Variants in CCNP observed in about 807,000 individuals in gnomAD.
CCNP encodes the protein cyclin P.
Under a neutral mutation model 19.6 loss-of-function variants are expected in CCNP, and 18 were observed. The ratio of observed to expected loss-of-function variants is 0.92; its 90% confidence interval spans 0.64 to 1.36. CCNP has a LOEUF of 1.36. CCNP is among the 40% of genes most tolerant of loss of function. The pLI is 0.00. For missense variants in CCNP, 440 were observed against 424.4 expected, an observed-to-expected ratio of 1.04 and a Z score of -0.32; for synonymous variants, 228 against 194.9, an observed-to-expected ratio of 1.17 and a Z score of -1.41.
rs750913915 is a variant in CCNP at position 40,224,708 on chromosome 19, T to C, written c.357+14A>G. On this transcript the variant is annotated intron_variant, in intron 2 of 4. Transcript: ENST00000430325. Reference sequence around the variant, plus strand: ...GACGCAAACTCAGCCCCCCACACCCTTCCAGATACCTACGTGCACCTGGAC... The same window carrying C: ...GACGCAAACTCAGCCCCCCACACCCCTCCAGATACCTACGTGCACCTGGAC... The C allele has an allele frequency of 2.5e-6, 4 of 1,598,652 alleles. No homozygotes were observed. In the South Asian group the frequency reaches 3.3e-5, roughly 13 times the overall value.
Position 40,223,033 on chromosome 19 carries a change from T to C in CCNP, c.*19A>G. ...CTCTCCCACACCCAGAAAAATCAAG[T>C]CTAGGTGCCACCTCCTCCTCAATAA... is the stretch of plus-strand genomic sequence containing the variant. On this transcript the variant is annotated 3_prime_UTR_variant, in exon 5 of 5. Coordinates refer to ENST00000430325, the MANE Select transcript of CCNP (RefSeq NM_024877.4). 1 of 1,429,970 alleles carries C rather than the reference T, an allele frequency of 7.0e-7. No individual in the cohort carries two copies. Among genetic ancestry groups the C allele is most frequent in the Non-Finnish European group, 9.6e-7 (1 of 1,043,736 alleles). The allele number at this position is 1,429,970 out of a possible 1,614,324, so 88.6% of individuals were successfully genotyped here.
rs1973460833 is a variant in CCNP at position 40,222,469 on chromosome 19, G to A, written c.*583C>T. On this transcript the variant is annotated 3_prime_UTR_variant, in exon 5 of 5. Transcript: ENST00000430325. The stretch of plus-strand genomic sequence containing the variant: ...ACGGCTCGAGGGTGCCCAGTTCCTC[G>A]GGGCTGCAGCAGGGAGATGGAGAAA... 3 of 398,734 alleles carry A rather than the reference G, an allele frequency of 7.5e-6. No individual in the cohort carries two copies. Among genetic ancestry groups the A allele is most frequent in the Non-Finnish European group, 1.3e-5 (3 of 226,002 alleles). The allele number at this position is 398,734 out of a possible 1,614,324, so 24.7% of individuals were successfully genotyped here. A position where few individuals can be genotyped will look rare whatever the true frequency, so the allele number is the denominator to read the frequency against.
At position 40,222,868 on chromosome 19, in the gene CCNP, G is replaced by A. The variant is rs867831450; in HGVS notation, c.*184C>T. On this transcript the variant is annotated 3_prime_UTR_variant, in exon 5 of 5. Transcript: ENST00000430325. ...ATCCACCACCAGATACAGAGATGGA[G>A]GACTCGAGGCCTGGGTGATCCTTCG... 2 of 525,670 alleles carry A rather than the reference G, an allele frequency of 3.8e-6. No individual in the cohort carries two copies. Among genetic ancestry groups the A allele is most frequent in the Non-Finnish European group, 6.8e-6 (2 of 295,052 alleles). 32.6% of individuals were successfully genotyped at this position (525,670 alleles called of 1,614,324 possible).
At chr19:40,224,352 G>T in intron 3 of CCNP, 136 bp downstream of exon 3, 1 of 966,608 alleles carries the variant, frequency 1.0e-6, no homozygotes, top group Non-Finnish European at 1.6e-6. Context: ...TTCTGTTTAA[G>T]GGACACATTG....
In CCNP at chr19:40,222,761, G is replaced by A; in HGVS notation, c.*291C>T. 1 of 426,870 alleles carries A rather than the reference G, an allele frequency of 2.3e-6. No individual in the cohort carries two copies. The highest frequency in any genetic ancestry group is 4.1e-5 in the Admixed American group (1 of 24,268). The allele number at this position is 426,870 out of a possible 1,614,324, so 26.4% of individuals were successfully genotyped here. A position where few individuals can be genotyped will look rare whatever the true frequency, so the allele number is the denominator to read the frequency against. On this transcript the variant is annotated 3_prime_UTR_variant, in exon 5 of 5. Transcript: ENST00000430325. Reference sequence around the variant, plus strand: ...ATGGGCAGCCATCCTCTCTATGCTGGGTGCACAGGCTGAGGGAAACCATGG... The same window carrying A: ...ATGGGCAGCCATCCTCTCTATGCTGAGTGCACAGGCTGAGGGAAACCATGG...
At position 40,224,605 on chromosome 19, in the gene CCNP, C is replaced by G; in HGVS notation, c.396G>C (p.Ala132=). 6.2e-7 allele frequency: 1 copy of G among 1,614,240 alleles called. No individual in the cohort carries two copies. The highest frequency in any genetic ancestry group is 8.5e-7 in the Non-Finnish European group (1 of 1,180,040). The change falls in exon 3 of 5, where the codon GCG becomes GCC. Residue 132 remains alanine, a synonymous_variant. Transcript: ENST00000430325. ...LGLAGDTLYL[A]VHLLDSYLSA... ...TCAGGTAGGAATCAAGCAGGTGAAC[C>G]GCCAGATAAAGTGTGTCACCAGCCA...
In CCNP at chr19:40,226,589, A is replaced by G; in HGVS notation, c.53T>C (p.Val18Ala). The G allele has an allele frequency of 5.1e-6, 8 of 1,578,462 alleles. No individual in the cohort carries two copies. Among genetic ancestry groups the G allele is most frequent in the Non-Finnish European group, 6.0e-6 (7 of 1,164,176 alleles). Residue 18 changes from valine to alanine, a missense_variant, in exon 1 of 5, where the codon GTT (valine) becomes GCT (alanine). Val to Ala is a moderately conservative substitution (Grantham distance 64). Coordinates refer to ENST00000430325, the MANE Select transcript of CCNP (RefSeq NM_024877.4). ...AGAGGGCCTGGGGGCCCAGCGCCTA[A>G]CGATAGGCCCGAGCCGGGAGCCGGA... is the stretch of plus-strand genomic sequence containing the variant. ...QGSGSRLGPI[V>A]RRWAPRPSPL... is the part of the protein sequence containing the mutation.
chr19:40,224,923 GCCACAC>G, intron 1 of CCNP, 112 bp from the exon 2 acceptor site: 1 of 933,596 alleles, frequency 1.1e-6, no homozygotes, highest in Non-Finnish European at 1.6e-6. Context: ...TCTTAGGCAT[GCCACAC>G]CCAAACTGGC....
chr19:40,223,357 G>GC (rs1434727975), intron 4 of CCNP, 31 bp downstream of exon 4: 2 of 1,488,220 alleles, frequency 1.3e-6, no homozygotes, highest in Non-Finnish European at 1.8e-6. Context: ...CGCCGGCCAC[G>GC]CCCCCACCCC....
intron 3 of CCNP, chr19:40,223,766 G>C (rs1973494612): frequency 4.8e-6 from 3 of 626,706 alleles, no homozygotes; most frequent in Non-Finnish European, 5.6e-6. Context: ...GTGTGACATA[G>C]GACATTCACT....
chr19:40,224,923 G>T, intron 1 of CCNP, 112 bp from the exon 2 acceptor site: 2 of 933,588 alleles, frequency 2.1e-6, no homozygotes, highest in Non-Finnish European at 3.2e-6. Flanking sequence ...TCTTAGGCAT[G>T]CCACACCCAA....
Position 40,222,435 on chromosome 19 carries a change from G to A in CCNP, c.*617C>T, listed in dbSNP as rs928688937. 1.8e-5 allele frequency: 7 copies of A among 398,552 alleles called. No homozygotes were observed. Among genetic ancestry groups the A allele is most frequent in the Admixed American group, 8.8e-5 (2 of 22,708 alleles). The allele number at this position is 398,552 out of a possible 1,614,324, so 24.7% of individuals were successfully genotyped here. A position where few individuals can be genotyped will look rare whatever the true frequency, so the allele number is the denominator to read the frequency against. ...GGCGCGGGACCTCGGAGCGCAGCGC[G>A]GGCCATGCACGGCTCGAGGGTGCCC... On this transcript the variant is annotated 3_prime_UTR_variant, in exon 5 of 5. Transcript: ENST00000430325.
chr19:40,224,479 C>T lies in CCNP; in HGVS notation c.513+9G>A. On this transcript the variant is annotated intron_variant, in intron 3 of 4. Transcript: ENST00000430325. ...CCATCCACCCTCCCAAACCCCACCC[C>T]GGAAGTACCTCGGGAAGCACGCACT... is the stretch of plus-strand genomic sequence containing the variant. 6.2e-7 allele frequency: 1 copy of T among 1,613,550 alleles called. No homozygotes were observed. The highest frequency in any genetic ancestry group is 8.5e-7 in the Non-Finnish European group (1 of 1,179,684).
chr19:40,222,355 G>C lies in CCNP; in HGVS notation c.*697C>G, dbSNP rs1174989934. On this transcript the variant is annotated 3_prime_UTR_variant, in exon 5 of 5. Transcript: ENST00000430325. ...GGCGGAGCAGGCAGGCGGCGGCAAGGCTGGTCCCCTGGCGCTGGGGCCGCG... is the reference window on the plus strand; with the variant it reads ...GGCGGAGCAGGCAGGCGGCGGCAAGCCTGGTCCCCTGGCGCTGGGGCCGCG... The C allele has an allele frequency of 1.0e-5, 4 of 398,972 alleles. No homozygotes were observed. 24.7% of individuals were successfully genotyped at this position (398,972 alleles called of 1,614,324 possible).
chr19:40,224,067 A>G (rs1463399496), intron 3 of CCNP, among the ~76,000 whole-genome samples: 1 of 151,790 alleles, frequency 6.6e-6, no homozygotes, highest in Non-Finnish European at 1.5e-5. Flanking sequence ...CAATTATCCT[A>G]CTTCAGCCTC....
At position 40,222,338 on chromosome 19, in the gene CCNP, A is replaced by T; in HGVS notation, c.*714T>A. 5.0e-6 allele frequency: 2 copies of T among 399,040 alleles called. No homozygotes were observed. The highest frequency in any genetic ancestry group is 4.1e-5 in the African/African-American group (2 of 48,756). 24.7% of individuals were successfully genotyped at this position (399,040 alleles called of 1,614,324 possible). Reference sequence around the variant, plus strand: ...AGGCTCAGACTGGAGGCGGCGGAGCAGGCAGGCGGCGGCAAGGCTGGTCCC... The same window carrying T: ...AGGCTCAGACTGGAGGCGGCGGAGCTGGCAGGCGGCGGCAAGGCTGGTCCC... On this transcript the variant is annotated 3_prime_UTR_variant, in exon 5 of 5. Transcript: ENST00000430325.
intron 1 of CCNP, 25 bp downstream of exon 1, chr19:40,226,350 C>T (rs761942684): frequency 2.5e-6 from 4 of 1,598,530 alleles, no homozygotes; most frequent in African/African-American, 1.3e-5. Context: ...TCGCCCTCAC[C>T]AGGGCAGGCG....
chr19:40,222,437 G>A lies in CCNP; in HGVS notation c.*615C>T. ...CGCGGGACCTCGGAGCGCAGCGCGG[G>A]CCATGCACGGCTCGAGGGTGCCCAG... On this transcript the variant is annotated 3_prime_UTR_variant, in exon 5 of 5. Coordinates refer to ENST00000430325, the MANE Select transcript of CCNP (RefSeq NM_024877.4). 1 of 398,724 alleles carries A rather than the reference G, an allele frequency of 2.5e-6. No individual in the cohort carries two copies. The highest frequency in any genetic ancestry group is 4.4e-6 in the Non-Finnish European group (1 of 225,946). 24.7% of individuals were successfully genotyped at this position (398,724 alleles called of 1,614,324 possible).
At chr19:40,225,686 T>C (rs1973529689) in intron 1 of CCNP, among the ~76,000 whole-genome samples, 2 of 152,216 alleles carry the variant, frequency 1.3e-5, no homozygotes, top group Admixed American at 1.3e-4. Context: ...GACCTTTCCG[T>C]CATTCAGCTA....
Sources: allele counts gnomAD v4.1 joint callset (sites outside exome capture counted in the v4.1 genomes callset), GRCh38; gene constraint gnomAD v4.1.1; transcripts MANE v1.5; gene names NCBI Gene and HGNC (gene_info 2026-07-23, HGNC 2026-07-21).